COX7B2: variants seen among roughly 807,000 people sequenced by gnomAD.
COX7B2 encodes the protein cytochrome c oxidase subunit 7B2.
For synonymous variants in COX7B2, 37 were observed against 32.1 expected (o/e 1.15, Z -0.51); for missense variants, 109 against 95.9 (o/e 1.14, Z -0.57).
chr4:46,879,321 T>A (rs1408028698), intron 1 of COX7B2, among the ~76,000 whole-genome samples: 3 of 151,604 alleles, frequency 2.0e-5, no homozygotes, highest in South Asian at 2.1e-4. Context: ...CTGTGTCTAA[T>A]TTTTTTTTCT....
intron 2 of COX7B2, among the ~76,000 whole-genome samples, chr4:46,813,288 T>G (rs1384522783): frequency 6.6e-6 from 1 of 152,220 alleles, no homozygotes; most frequent in African/African-American, 2.4e-5. Context: ...ATCTTGGCTA[T>G]TGTAAATACT....
intron 1 of COX7B2, among the ~76,000 whole-genome samples, chr4:46,860,310 G>A (rs563317076): frequency 3.3e-5 from 5 of 152,282 alleles, no homozygotes; most frequent in African/African-American, 7.2e-5. Flanking sequence ...GTCAAAGGCT[G>A]TTTTCAGAGC....
At chr4:46,863,785 T>C (rs952569355) in intron 1 of COX7B2, among the ~76,000 whole-genome samples, 3 of 152,204 alleles carry the variant, frequency 2.0e-5, no homozygotes, top group Admixed American at 6.5e-5. Flanking sequence ...ATAAAAGCAA[T>C]GTTTTCCTCC....
intron 2 of COX7B2, among the ~76,000 whole-genome samples, chr4:46,771,057 A>C (rs1716848126): frequency 6.6e-6 from 1 of 152,192 alleles, no homozygotes; most frequent in African/African-American, 2.4e-5. Flanking sequence ...ATATTTCCAA[A>C]CCATACATGA....
intron 2 of COX7B2, among the ~76,000 whole-genome samples, chr4:46,798,849 C>T (rs1361626351): frequency 1.3e-5 from 2 of 152,106 alleles, no homozygotes; most frequent in Non-Finnish European, 2.9e-5. Context: ...AGCCAAATGC[C>T]CACGCCTGCT....
intron 1 of COX7B2, among the ~76,000 whole-genome samples, chr4:46,907,349 C>G (rs1720454528): frequency 6.6e-6 from 1 of 152,072 alleles, no homozygotes; most frequent in African/African-American, 2.4e-5. Context: ...TTTATTCTTG[C>G]TTCCATTTTT....
intron 1 of COX7B2, among the ~76,000 whole-genome samples, chr4:46,881,436 C>A (rs1357292722): frequency 1.3e-5 from 2 of 152,106 alleles, no homozygotes; most frequent in African/African-American, 2.4e-5. Context: ...CAGATATGCA[C>A]CTATCTCAGT....
intron 2 of COX7B2, among the ~76,000 whole-genome samples, chr4:46,786,409 T>G (rs1730694177): frequency 6.6e-6 from 1 of 152,224 alleles, no homozygotes; most frequent in African/African-American, 2.4e-5. Context: ...TTTTTGTTTT[T>G]GGCTTTAGTA....
chr4:46,815,029 TA>T (rs1231305923), intron 2 of COX7B2, among the ~76,000 whole-genome samples: 2 of 151,920 alleles, frequency 1.3e-5, no homozygotes, highest in Non-Finnish European at 2.9e-5. Flanking sequence ...CTACTGAAGA[TA>T]CAAAAATTAG....
intron 2 of COX7B2, among the ~76,000 whole-genome samples, chr4:46,783,453 G>C (rs1353675132): frequency 6.6e-6 from 1 of 152,160 alleles, no homozygotes; most frequent in Non-Finnish European, 1.5e-5. Context: ...CTAGGTCACT[G>C]GTGGTAAGTG....
chr4:46,879,603 T>C (rs148524848), intron 1 of COX7B2, among the ~76,000 whole-genome samples: 1 of 151,982 alleles, frequency 6.6e-6, no homozygotes, highest in African/African-American at 2.4e-5. Flanking sequence ...CATTAGAGTA[T>C]GTTGCATAAT....
At chr4:46,743,127 C>A (rs977942904) in intron 2 of COX7B2, among the ~76,000 whole-genome samples, 1 of 152,170 alleles carries the variant, frequency 6.6e-6, no homozygotes, top group Non-Finnish European at 1.5e-5. Flanking sequence ...AGTGTCCCAA[C>A]TGTGCAACAA....
At chr4:46,853,352 T>TTACA in intron 1 of COX7B2, among the ~76,000 whole-genome samples, 1 of 152,250 alleles carries the variant, frequency 6.6e-6, no homozygotes, top group South Asian at 2.1e-4. Flanking sequence ...TTTTTCTTAT[T>TTACA]TACATACTTC....
intron 2 of COX7B2, among the ~76,000 whole-genome samples, chr4:46,779,026 T>C (rs1362033070): frequency 6.6e-6 from 1 of 152,212 alleles, no homozygotes; most frequent in East Asian, 1.9e-4. Flanking sequence ...ATACAATTCT[T>C]TTGACAAAGA....
intron 2 of COX7B2, among the ~76,000 whole-genome samples, chr4:46,803,137 G>T (rs1377130338): frequency 6.6e-6 from 1 of 152,070 alleles, no homozygotes; most frequent in Non-Finnish European, 1.5e-5. Flanking sequence ...TCAGGGAATT[G>T]CCCAGGAGTT....
intron 1 of COX7B2, among the ~76,000 whole-genome samples, chr4:46,859,358 C>A (rs1280007376): frequency 6.6e-6 from 1 of 152,138 alleles, no homozygotes; most frequent in Non-Finnish European, 1.5e-5. Flanking sequence ...TTGAAAGGAG[C>A]ACAGATTTTA....
chr4:46,892,532 A>C (rs1050221589), intron 1 of COX7B2, among the ~76,000 whole-genome samples: 1 of 152,162 alleles, frequency 6.6e-6, no homozygotes. Context: ...TGGAAGATAG[A>C]GCCTTGCACC....
chr4:46,872,033 A>G (rs551630451), intron 1 of COX7B2, among the ~76,000 whole-genome samples: 2 of 152,234 alleles, frequency 1.3e-5, no homozygotes, highest in East Asian at 3.9e-4. Flanking sequence ...AAAGTTCATT[A>G]CAGCACTATT....
chr4:46,787,189 T>TTTGGGAAGTC, intron 2 of COX7B2, among the ~76,000 whole-genome samples: 1 of 152,224 alleles, frequency 6.6e-6, no homozygotes, highest in Non-Finnish European at 1.5e-5. Flanking sequence ...GGCTCACGCC[T>TTTGGGAAGTC]GTAATCCCAG....
Sources: allele counts gnomAD v4.1 joint callset (sites outside exome capture counted in the v4.1 genomes callset), GRCh38; gene constraint gnomAD v4.1.1; transcripts MANE v1.5; gene names NCBI Gene and HGNC (gene_info 2026-07-23, HGNC 2026-07-21).